Variants in KATNIP observed in about 807,000 individuals in gnomAD.
KATNIP encodes the protein katanin-interacting protein.
Under a neutral mutation model 174.0 loss-of-function variants are expected in KATNIP, and 126 were observed. That is an observed-to-expected ratio of 0.72 (90% CI 0.63 to 0.84). The LOEUF (loss-of-function observed/expected upper bound fraction) is 0.84, where lower values mean the gene tolerates loss of function less well. Among genes scored for constraint, KATNIP ranks in the 40% least tolerant of loss-of-function variants. The probability of loss-of-function intolerance (pLI) is 0.00; values close to 1 mark genes in which losing one functional copy is unlikely to be tolerated. For missense variants in KATNIP, 1,958 were observed against 2,109.7 expected, an observed-to-expected ratio of 0.93 and a Z score of 1.41; for synonymous variants, 810 against 835.7, an observed-to-expected ratio of 0.97 and a Z score of 0.53.
chr16:27,555,505 GC>G (rs2089582000), intron 1 of KATNIP, among the ~76,000 whole-genome samples: 1 of 152,134 alleles, frequency 6.6e-6, no homozygotes, highest in South Asian at 2.1e-4. Context: ...TTGTTTTGTG[GC>G]TTCAATGAAA....
intron 18 of KATNIP, chr16:27,755,235 G>A (rs2081673420): frequency 6.6e-6 from 1 of 152,306 alleles, no homozygotes; most frequent in Non-Finnish European, 1.5e-5. Context: ...CCGAATCCTG[G>A]TGTCAGCCCT....
In KATNIP at chr16:27,578,313, A is replaced by G. The variant is rs542910021; in HGVS notation, c.63+4357A>G. ...ACACCACTGCACCCCAACCTAGGCG[A>G]CAGAGTGAGACTCTATCTCAAAAAA... On this transcript the variant is annotated intron_variant, in intron 2 of 27. Coordinates refer to ENST00000261588, the MANE Select transcript of KATNIP (RefSeq NM_015202.5). Among the ~76,000 whole-genome samples, 4 of 152,158 alleles carry G rather than the reference A, an allele frequency of 2.6e-5. No individual in the cohort carries two copies. In the South Asian group the frequency reaches 8.3e-4, roughly 32 times the overall value.
At position 27,754,201 on chromosome 16, in the gene KATNIP, C is replaced by A. The variant is rs776623050; in HGVS notation, c.3581C>A (p.Ser1194Tyr). ...CCGGAGCTAGAGCTCCCATCCAGTT[C>A]CCCTGTCCCCCAAGTCACCACGCCA... ...RIPELELPSS[S>Y]PVPQVTTPEP... Residue 1194 changes from serine (S) to tyrosine (Y), a missense_variant, in exon 18 of 28, where the codon TCC becomes TAC. Coordinates refer to ENST00000261588, the MANE Select transcript of KATNIP (RefSeq NM_015202.5). 6.2e-7 allele frequency: 1 copy of A among 1,614,136 alleles called. No individual in the cohort carries two copies. Among genetic ancestry groups the A allele is most frequent in the South Asian group, 1.1e-5 (1 of 91,078 alleles).
chr16:27,701,763 G>T, intron 11 of KATNIP, 68 bp downstream of exon 11: 1 of 1,098,844 alleles, frequency 9.1e-7, no homozygotes, highest in Non-Finnish European at 1.3e-6. Flanking sequence ...TTCTTCATGA[G>T]GGTTCTTTGC....
At chr16:27,653,670 T>C (rs74948339) in intron 6 of KATNIP, among the ~76,000 whole-genome samples, 2 of 151,390 alleles carry the variant, frequency 1.3e-5, no homozygotes, top group South Asian at 2.1e-4. Context: ...TTTTTTTTTT[T>C]CTTTTTGAGA....
At chr16:27,573,455 C>T (rs2090377176) in intron 1 of KATNIP, among the ~76,000 whole-genome samples, 1 of 152,258 alleles carries the variant, frequency 6.6e-6, no homozygotes, top group East Asian at 1.9e-4. Context: ...TAATTCACAT[C>T]TGCACTGTCA....
In KATNIP at chr16:27,766,092, C is replaced by CT. The variant is rs1042518821; in HGVS notation, c.3810-207dup. Among the ~76,000 whole-genome samples the CT allele has an allele frequency of 6.8e-3, 1,015 of 148,962 alleles. 8 individuals carry two copies. Among genetic ancestry groups the CT allele is most frequent in the African/African-American group, 0.022 (883 of 40,620 alleles). On this transcript the variant is annotated intron_variant, in intron 19 of 27. Transcript: ENST00000261588. ...TTTTCTGCACCTTTAACAGCATAGC[C>CT]TTTTTTTTTTCTTTTAAAAAATGTC...
chr16:27,737,205 C>G lies in KATNIP; in HGVS notation c.1744-2836C>G, dbSNP rs542554004. Among the ~76,000 whole-genome samples the G allele has an allele frequency of 2.2e-4, 33 of 152,070 alleles. 1 individual carries two copies. Among genetic ancestry groups the G allele is most frequent in the African/African-American group, 7.7e-4 (32 of 41,476 alleles). ...CCAGCCTGGACAACATAGTGAGACCCCGTCTCTACAAAAAAAAATTTATTT... is the reference window on the plus strand; with the variant it reads ...CCAGCCTGGACAACATAGTGAGACCGCGTCTCTACAAAAAAAAATTTATTT... On this transcript the variant is annotated intron_variant, in intron 14 of 27. Coordinates refer to ENST00000261588, the MANE Select transcript of KATNIP (RefSeq NM_015202.5).
chr16:27,661,318 G>A (rs948456720), intron 6 of KATNIP, among the ~76,000 whole-genome samples: 8 of 152,250 alleles, frequency 5.3e-5, no homozygotes, highest in African/African-American at 1.9e-4. Context: ...GACTGTCATC[G>A]TGTAGAAATA....
chr16:27,651,932 C>T (rs974166449), intron 6 of KATNIP, among the ~76,000 whole-genome samples: 1 of 152,236 alleles, frequency 6.6e-6, no homozygotes, highest in Non-Finnish European at 1.5e-5. Flanking sequence ...GTTGGCCAGA[C>T]TGGTCTCGAA....
At chr16:27,759,134 A>G (rs1015041206) in intron 18 of KATNIP, among the ~76,000 whole-genome samples, 16 of 152,240 alleles carry the variant, frequency 1.1e-4, no homozygotes, top group African/African-American at 2.9e-4. Context: ...TTGAACATCT[A>G]CTAAGCACTG....
At chr16:27,770,095 C>A in intron 21 of KATNIP, 77 bp downstream of exon 21, 1 of 1,495,088 alleles carries the variant, frequency 6.7e-7, no homozygotes, top group Non-Finnish European at 9.2e-7. Context: ...CTCTGATGTA[C>A]ATTCCGAAAG....
At chr16:27,625,700 A>G (rs930538499) in intron 3 of KATNIP, among the ~76,000 whole-genome samples, 1 of 152,196 alleles carries the variant, frequency 6.6e-6, no homozygotes, top group Non-Finnish European at 1.5e-5. Flanking sequence ...AAACAAAGAA[A>G]TCACCCACAA....
At chr16:27,649,927 G>A (rs1319005788) in intron 6 of KATNIP, among the ~76,000 whole-genome samples, 1 of 152,178 alleles carries the variant, frequency 6.6e-6, no homozygotes, top group East Asian at 1.9e-4. Context: ...TGTAATCCTA[G>A]CACTTTGGGA....
intron 5 of KATNIP, 75 bp from the exon 6 acceptor site, chr16:27,648,529 A>G: frequency 6.4e-7 from 1 of 1,563,570 alleles, no homozygotes; most frequent in Admixed American, 1.7e-5. Context: ...GAACCTCTCC[A>G]GTGCCAGTCC....
Position 27,736,188 on chromosome 16 carries a change from A to T in KATNIP, c.1744-3853A>T, listed in dbSNP as rs546517261. ...TGGCTAATTTTTGTATTTTTAGTAG[A>T]GACGGGGTTTCATCATGTTGGCCAG... On this transcript the variant is annotated intron_variant, in intron 14 of 27. Transcript: ENST00000261588. Among the ~76,000 whole-genome samples the T allele has an allele frequency of 3.9e-5, 6 of 152,162 alleles. No individual in the cohort carries two copies. The South Asian group carries it at 6.2e-4, about 16-fold the overall frequency.
intron 13 of KATNIP, among the ~76,000 whole-genome samples, chr16:27,710,446 C>G (rs894838586): frequency 6.6e-6 from 1 of 152,180 alleles, no homozygotes; most frequent in African/African-American, 2.4e-5. Context: ...GCAAGTTGCA[C>G]ACAAGAGACT....
At chr16:27,627,607 A>G (rs1432064359) in intron 3 of KATNIP, among the ~76,000 whole-genome samples, 1 of 152,234 alleles carries the variant, frequency 6.6e-6, no homozygotes, top group Admixed American at 6.5e-5. Flanking sequence ...ATTCACGGTG[A>G]CTTTCTAGAC....
chr16:27,618,610 C>T, intron 3 of KATNIP, 109 bp downstream of exon 3: 1 of 720,538 alleles, frequency 1.4e-6, no homozygotes, highest in Non-Finnish European at 2.5e-6. Flanking sequence ...GATGCAGAGT[C>T]CCCCTCCACT....
Sources: gnomAD v4.1 joint callset for allele counts (sites outside exome capture counted in the v4.1 genomes callset) on GRCh38, gnomAD v4.1.1 for gene constraint, MANE v1.5 for transcripts, NCBI Gene and HGNC (gene_info 2026-07-23, HGNC 2026-07-21) for gene names.